Variants in EHBP1 observed in about 807,000 individuals in gnomAD.
The protein encoded by EHBP1 is EH domain binding protein 1, also known as EH domain-binding protein 1.
In EHBP1, 55 loss-of-function variants were observed where a neutral mutation model predicts 144.0. The ratio of observed to expected loss-of-function variants is 0.38; its 90% CI spans 0.31 to 0.48. The LOEUF is 0.48. Among genes scored for constraint, EHBP1 ranks in the 20% least tolerant of loss-of-function variants. EHBP1 has a pLI of 0.98. For missense variants in EHBP1, 1,200 were observed against 1,364.2 expected (o/e 0.88, Z 1.90); for synonymous variants, 469 against 472.7 (o/e 0.99, Z 0.10).
At chr2:62,753,667 A>T (rs1243597424) in intron 3 of EHBP1, among the ~76,000 whole-genome samples, 2 of 152,118 alleles carry the variant, frequency 1.3e-5, no homozygotes, top group Non-Finnish European at 2.9e-5. Context: ...GTCTTTTCAC[A>T]TAGTCCCGTA....
At chr2:62,780,507 A>G (rs1352679444) in intron 5 of EHBP1, among the ~76,000 whole-genome samples, 2 of 152,094 alleles carry the variant, frequency 1.3e-5, no homozygotes, top group African/African-American at 4.8e-5. Flanking sequence ...TAAGTATTTA[A>G]TGTGCTGTTC....
intron 16 of EHBP1, among the ~76,000 whole-genome samples, chr2:62,991,243 T>C (rs1348151770): frequency 3.4e-5 from 4 of 117,204 alleles, no homozygotes; most frequent in African/African-American, 1.3e-4. Context: ...AGACCTTGTC[T>C]AAAAAAAAAA....
intron 7 of EHBP1, among the ~76,000 whole-genome samples, chr2:62,858,811 A>G (rs565745250): frequency 5.9e-5 from 9 of 152,298 alleles, no homozygotes; most frequent in African/African-American, 2.2e-4. Context: ...TGTTTTTAGA[A>G]TATTTGCTTA....
intron 10 of EHBP1, among the ~76,000 whole-genome samples, chr2:62,914,112 T>G (rs1363586810): frequency 6.6e-6 from 1 of 152,056 alleles, no homozygotes; most frequent in African/African-American, 2.4e-5. Context: ...ACCACAGCAT[T>G]TTAAAAAAAA....
intron 10 of EHBP1, among the ~76,000 whole-genome samples, chr2:62,883,648 C>A (rs1372272339): frequency 1.3e-5 from 2 of 152,108 alleles, no homozygotes; most frequent in Admixed American, 6.6e-5. Context: ...GATTGAGATC[C>A]CATCTCTTAA....
chr2:62,726,878 T>C (rs926549753), intron 2 of EHBP1: 4 of 152,336 alleles, frequency 2.6e-5, no homozygotes, highest in African/African-American at 9.6e-5. Flanking sequence ...TTTTTTTTTT[T>C]TCGAGACGGA....
chr2:62,815,651 T>G (rs1449327081), intron 5 of EHBP1, among the ~76,000 whole-genome samples: 2 of 152,204 alleles, frequency 1.3e-5, no homozygotes, highest in Non-Finnish European at 2.9e-5. Flanking sequence ...GGCAAATGTT[T>G]TATTGAAACT....
intron 5 of EHBP1, among the ~76,000 whole-genome samples, chr2:62,819,749 G>A (rs1303626232): frequency 1.3e-5 from 2 of 150,004 alleles, no homozygotes; most frequent in African/African-American, 4.9e-5. Context: ...GGGTGACAGA[G>A]CGAGACTCCA....
intron 7 of EHBP1, among the ~76,000 whole-genome samples, chr2:62,854,767 C>T (rs911870980): frequency 2.6e-5 from 4 of 152,150 alleles, no homozygotes; most frequent in African/African-American, 7.2e-5. Context: ...AGCGGTGGGC[C>T]GTCTGGAGTG....
intron 19 of EHBP1, among the ~76,000 whole-genome samples, chr2:63,020,638 G>A (rs2060702054): frequency 6.6e-6 from 1 of 151,866 alleles, no homozygotes; most frequent in Admixed American, 6.6e-5. Flanking sequence ...ATCAGTCAGA[G>A]TAGTTTAATT....
intron 7 of EHBP1, among the ~76,000 whole-genome samples, chr2:62,836,312 A>T (rs1206021795): frequency 2.7e-5 from 4 of 150,310 alleles, no homozygotes; most frequent in Non-Finnish European, 5.9e-5. Context: ...TAACAAACAG[A>T]AAGGACATCC....
At chr2:63,009,356 A>G (rs972166766) in intron 19 of EHBP1, among the ~76,000 whole-genome samples, 6 of 151,622 alleles carry the variant, frequency 4.0e-5, no homozygotes, top group African/African-American at 7.2e-5. Flanking sequence ...GTCTGAATCT[A>G]TATGAAACTT....
At chr2:62,944,375 A>G (rs540511796) in intron 12 of EHBP1, among the ~76,000 whole-genome samples, 32 of 152,348 alleles carry the variant, frequency 2.1e-4, no homozygotes, top group Admixed American at 3.3e-4. Context: ...TAAGATTATA[A>G]TACCTCATTT....
chr2:62,761,471 A>G (rs1478216000), intron 3 of EHBP1, among the ~76,000 whole-genome samples: 1 of 152,080 alleles, frequency 6.6e-6, no homozygotes, highest in Non-Finnish European at 1.5e-5. Flanking sequence ...AACTAGTAAG[A>G]TGTGATAAGA....
chr2:62,875,137 C>T (rs182165184), intron 10 of EHBP1, among the ~76,000 whole-genome samples: 35 of 152,336 alleles, frequency 2.3e-4, no homozygotes, highest in Non-Finnish European at 4.1e-4. Context: ...TCATTGCCGC[C>T]ACCAGTGCAA....
At chr2:63,019,871 G>C (rs2060646288) in intron 19 of EHBP1, among the ~76,000 whole-genome samples, 1 of 145,584 alleles carries the variant, frequency 6.9e-6, no homozygotes, top group South Asian at 2.2e-4. Context: ...AAGGAAGGAA[G>C]GAAGGAAGGA....
intron 10 of EHBP1, among the ~76,000 whole-genome samples, chr2:62,938,814 A>G (rs549904114): frequency 2.8e-4 from 43 of 152,228 alleles, no homozygotes; most frequent in Admixed American, 1.9e-3. Context: ...GGGAAAAAAA[A>G]AAGAAGAAGA....
intron 5 of EHBP1, among the ~76,000 whole-genome samples, chr2:62,824,763 C>G (rs992378853): frequency 6.6e-5 from 10 of 151,892 alleles, no homozygotes; most frequent in African/African-American, 2.2e-4. Flanking sequence ...TGCTACATTA[C>G]ATTTTTACTT....
chr2:62,680,408 A>G (rs1294252870), intron 1 of EHBP1, among the ~76,000 whole-genome samples: 1 of 152,180 alleles, frequency 6.6e-6, no homozygotes, highest in Admixed American at 6.5e-5. Context: ...TTTTCTTTTT[A>G]ATCATTACTC....
Sources: allele counts gnomAD v4.1 joint callset (sites outside exome capture counted in the v4.1 genomes callset), GRCh38; gene constraint gnomAD v4.1.1; transcripts MANE v1.5; gene names NCBI Gene and HGNC (gene_info 2026-07-23, HGNC 2026-07-21).